The following PTPRR variants were observed in gnomAD, a reference collection of about 807,000 sequenced individuals.
PTPRR encodes the protein protein tyrosine phosphatase receptor type R.
In PTPRR, 38 loss-of-function variants were observed where a neutral mutation model predicts 77.2. That is an observed-to-expected ratio of 0.49 (90% CI 0.38 to 0.65). The LOEUF (loss-of-function observed/expected upper bound fraction) is 0.65. Ranked by LOEUF, PTPRR falls within the 30% of genes least tolerant of loss-of-function variation. The probability of loss-of-function intolerance (pLI) is 0.00; values close to 1 mark genes in which losing one functional copy is unlikely to be tolerated. For synonymous variants in PTPRR, 299 were observed against 283.1 expected, an observed-to-expected ratio of 1.06 and a Z score of -0.57; for missense variants, 744 against 799.2, an observed-to-expected ratio of 0.93 and a Z score of 0.83.
intron 1 of PTPRR, among the ~76,000 whole-genome samples, chr12:70,916,862 A>G (rs1475525563): frequency 6.6e-6 from 1 of 152,214 alleles, no homozygotes; most frequent in Non-Finnish European, 1.5e-5. Flanking sequence ...GTGCCATTCA[A>G]AAAGGCTGAT....
chr12:70,877,839 AC>A (rs1893078513), intron 2 of PTPRR, among the ~76,000 whole-genome samples: 1 of 152,156 alleles, frequency 6.6e-6, no homozygotes, highest in South Asian at 2.1e-4. Flanking sequence ...ACACTACCTG[AC>A]TTCAAACTAT....
intron 10 of PTPRR, among the ~76,000 whole-genome samples, chr12:70,670,095 T>C (rs146595927): frequency 1.3e-5 from 2 of 152,196 alleles, no homozygotes; most frequent in African/African-American, 4.8e-5. Flanking sequence ...ACTGAATAAG[T>C]CAATGGGCAA....
chr12:70,803,549 C>A (rs1410352109), intron 2 of PTPRR, among the ~76,000 whole-genome samples: 2 of 152,122 alleles, frequency 1.3e-5, no homozygotes, highest in Non-Finnish European at 2.9e-5. Context: ...CTCACAGGAC[C>A]ACTGGATAGG....
At chr12:70,739,208 G>T (rs549350746) in intron 6 of PTPRR, among the ~76,000 whole-genome samples, 336 of 152,238 alleles carry the variant, frequency 2.2e-3, no homozygotes, top group African/African-American at 6.3e-3. Flanking sequence ...GTGTAGGCTT[G>T]TGAAATGGAA....
intron 8 of PTPRR, among the ~76,000 whole-genome samples, chr12:70,685,057 C>T (rs1887810183): frequency 6.6e-6 from 1 of 152,192 alleles, no homozygotes; most frequent in African/African-American, 2.4e-5. Flanking sequence ...CCTCATTTCT[C>T]ATTTTTGCGC....
intron 2 of PTPRR, among the ~76,000 whole-genome samples, chr12:70,825,218 C>G (rs1341801429): frequency 6.6e-6 from 1 of 152,040 alleles, no homozygotes; most frequent in Non-Finnish European, 1.5e-5. Flanking sequence ...GTGGAGGTTG[C>G]AGTGAGCCAA....
chr12:70,659,231 T>C (rs191082980), intron 12 of PTPRR, among the ~76,000 whole-genome samples: 3 of 151,942 alleles, frequency 2.0e-5, no homozygotes, highest in African/African-American at 7.3e-5. Flanking sequence ...AGAGACTCCA[T>C]GTAAGGTGAG....
chr12:70,886,480 T>G (rs947332761), intron 2 of PTPRR, among the ~76,000 whole-genome samples: 3 of 152,238 alleles, frequency 2.0e-5, no homozygotes, highest in African/African-American at 7.2e-5. Context: ...TATTTTATTT[T>G]TTATTAGTAT....
At chr12:70,750,798 T>C (rs1890366038) in intron 5 of PTPRR, among the ~76,000 whole-genome samples, 1 of 152,186 alleles carries the variant, frequency 6.6e-6, no homozygotes, top group Admixed American at 6.5e-5. Flanking sequence ...GGCATGATCA[T>C]AGCTCACTGT....
chr12:70,901,434 C>A (rs773542984), intron 1 of PTPRR, among the ~76,000 whole-genome samples: 1 of 151,662 alleles, frequency 6.6e-6, no homozygotes, highest in East Asian at 1.9e-4. Flanking sequence ...GAACAGAATA[C>A]AGAACCTGGA....
chr12:70,850,208 A>G (rs193056353), intron 2 of PTPRR, among the ~76,000 whole-genome samples: 57 of 152,196 alleles, frequency 3.7e-4, no homozygotes, highest in Non-Finnish European at 1.2e-4. Flanking sequence ...CTAAAAATGC[A>G]AAAATTAGCT....
rs953935964 is a variant in PTPRR, at chr12:70,871,499, T to C, written c.357+21180A>G. 2.6e-5 allele frequency among the ~76,000 whole-genome samples: 4 copies of C among 152,182 alleles called. No homozygotes were observed. The South Asian group carries it at 8.3e-4, about 31-fold the overall frequency. On this transcript the variant is annotated intron_variant, in intron 2 of 13. Transcript: ENST00000283228. ...AATTATGTATCTGAAGGCTCATTCA[T>C]TCCCTTAGGACAAGGGTAGGAATCT...
intron 1 of PTPRR, among the ~76,000 whole-genome samples, chr12:70,917,911 C>A (rs539690303): frequency 6.6e-6 from 1 of 152,140 alleles, no homozygotes; most frequent in Admixed American, 6.5e-5. Flanking sequence ...ATACCCTGGG[C>A]GTAACCAAAA....
At chr12:70,814,150 T>C (rs1344309298) in intron 2 of PTPRR, among the ~76,000 whole-genome samples, 1 of 152,214 alleles carries the variant, frequency 6.6e-6, no homozygotes, top group Non-Finnish European at 1.5e-5. Context: ...AGCAAATTTA[T>C]TTTGTAGGTG....
rs377389262 is a variant in PTPRR at position 70,719,704 on chromosome 12, G to T, written c.1008-18381C>A. On this transcript the variant is annotated intron_variant, in intron 6 of 13. Coordinates refer to ENST00000283228, the MANE Select transcript of PTPRR (RefSeq NM_002849.4). Reference sequence around the variant, plus strand: ...CCAGAGGGCCACGGGCGCCCAGCTGGAAACCCCTGCTAAGAGCATCTGCAG... The same window carrying T: ...CCAGAGGGCCACGGGCGCCCAGCTGTAAACCCCTGCTAAGAGCATCTGCAG... Among the ~76,000 whole-genome samples the T allele has an allele frequency of 3.3e-5, 5 of 152,250 alleles. 1 individual carries two copies. The highest frequency in any genetic ancestry group is 1.2e-4 in the African/African-American group (5 of 41,570).
chr12:70,879,953 T>C (rs780258406), intron 2 of PTPRR, among the ~76,000 whole-genome samples: 4 of 152,216 alleles, frequency 2.6e-5, no homozygotes, highest in Non-Finnish European at 4.4e-5. Flanking sequence ...TAAAGGTCTC[T>C]GTATTTGTTA....
intron 13 of PTPRR, among the ~76,000 whole-genome samples, chr12:70,651,125 G>A (rs897941047): frequency 2.0e-5 from 3 of 152,208 alleles, no homozygotes; most frequent in African/African-American, 7.2e-5. Flanking sequence ...GACAAGCCAT[G>A]AGCTTATCTA....
intron 2 of PTPRR, among the ~76,000 whole-genome samples, chr12:70,781,211 A>C (rs1891196337): frequency 6.6e-6 from 1 of 152,184 alleles, no homozygotes. Flanking sequence ...AAAGTCAGAC[A>C]AAAAAATGGG....
chr12:70,788,936 G>A (rs927767671), intron 2 of PTPRR: 2 of 1,423,998 alleles, frequency 1.4e-6, no homozygotes, highest in Non-Finnish European at 1.8e-6. Context: ...TGTGTGCTGA[G>A]ATGAAGCCTC....
Sources: gnomAD v4.1 joint callset for allele counts (sites outside exome capture counted in the v4.1 genomes callset) on GRCh38, gnomAD v4.1.1 for gene constraint, MANE v1.5 for transcripts, NCBI Gene and HGNC (gene_info 2026-07-23, HGNC 2026-07-21) for gene names.